SEMA3A: variants seen among roughly 807,000 people sequenced by gnomAD.
SEMA3A encodes semaphorin 3A.
SEMA3A carries 29 observed loss-of-function variants against 97.9 expected under a neutral mutation model. That is an observed-to-expected ratio of 0.30 (90% CI 0.22 to 0.40). SEMA3A has a LOEUF of 0.40. SEMA3A is among the 10% of genes least tolerant of loss of function. SEMA3A has a pLI of 1.00. For missense variants in SEMA3A, 763 were observed against 951.3 expected (o/e 0.80, Z 2.60); for synonymous variants, 321 against 323.7 (o/e 0.99, Z 0.09).
chr7:84,073,461 A>G (rs968492802), intron 4 of SEMA3A, among the ~76,000 whole-genome samples: 6 of 152,206 alleles, frequency 3.9e-5, no homozygotes, highest in Non-Finnish European at 7.3e-5. Context: ...TGAGGAATAC[A>G]TACATATATT....
intron 1 of SEMA3A, among the ~76,000 whole-genome samples, chr7:84,411,683 A>T (rs908751412): frequency 6.6e-6 from 1 of 151,934 alleles, no homozygotes; most frequent in African/African-American, 2.4e-5. Context: ...TTATTGAAAA[A>T]TTTTTAGGCT....
intron 1 of SEMA3A, among the ~76,000 whole-genome samples, chr7:84,477,329 C>A (rs1030054913): frequency 1.4e-5 from 2 of 148,038 alleles, no homozygotes; most frequent in African/African-American, 5.0e-5. Flanking sequence ...GTCCCAGCTA[C>A]TCGGGAGGCT....
chr7:84,080,177 G>A (rs1263846588), intron 4 of SEMA3A, among the ~76,000 whole-genome samples: 1 of 106,246 alleles, frequency 9.4e-6, no homozygotes, highest in Non-Finnish European at 1.7e-5. Context: ...CACGGAAGGG[G>A]AACATCACAC....
At chr7:84,126,723 A>C in intron 3 of SEMA3A, among the ~76,000 whole-genome samples, 1 of 152,128 alleles carries the variant, frequency 6.6e-6, no homozygotes, top group East Asian at 1.9e-4. Flanking sequence ...GTTCAATTAT[A>C]CTTTTAGCCT....
chr7:84,142,236 A>G (rs1480486890), intron 1 of SEMA3A, among the ~76,000 whole-genome samples: 1 of 152,206 alleles, frequency 6.6e-6, no homozygotes, highest in East Asian at 1.9e-4. Context: ...CATTTAGTCC[A>G]TATTATGTAT....
chr7:84,112,917 C>T (rs879825839), intron 3 of SEMA3A, among the ~76,000 whole-genome samples: 24 of 152,186 alleles, frequency 1.6e-4, no homozygotes, highest in Admixed American at 1.5e-3. Context: ...GTGCTGATAA[C>T]GGGAATCTGT....
chr7:84,094,698 C>T lies in SEMA3A; in HGVS notation c.453+15772G>A, dbSNP rs935926719. 2.0e-5 allele frequency among the ~76,000 whole-genome samples: 3 copies of T among 151,974 alleles called. No homozygotes were observed. The East Asian group carries it at 5.8e-4, about 29-fold the overall frequency. ...TTCTAAAATAAAAAAAACCCACCAC[C>T]GCTAACAACTAAAACACACTTTGCA... On this transcript the variant is annotated intron_variant, in intron 4 of 16. Coordinates refer to ENST00000265362, the MANE Select transcript of SEMA3A (RefSeq NM_006080.3).
In SEMA3A at chr7:83,957,262, G is replaced by T. The variant is rs113386800; in HGVS notation, c.*4109C>A. The T allele has an allele frequency of 1.3e-5, 2 of 152,108 alleles. No individual in the cohort carries two copies. The highest frequency in any genetic ancestry group is 4.1e-4 in the South Asian group (2 of 4,826). 9.4% of individuals were successfully genotyped at this position (152,108 alleles called of 1,614,324 possible). On this transcript the variant is annotated 3_prime_UTR_variant, in exon 17 of 17. Transcript: ENST00000265362. ...GGATTAGATGATGATAAGTCATCTC[G>T]CTCTGTTTCCTTAATTTCATTGTGA...
chr7:84,033,455 CTT>C (rs764922304), intron 6 of SEMA3A, among the ~76,000 whole-genome samples: 2 of 152,146 alleles, frequency 1.3e-5, no homozygotes, highest in Non-Finnish European at 2.9e-5. Flanking sequence ...AAAGAACACA[CTT>C]AGCCTATGTT....
intron 3 of SEMA3A, among the ~76,000 whole-genome samples, chr7:84,292,896 T>C (rs1800783982): frequency 6.6e-6 from 1 of 152,090 alleles, no homozygotes; most frequent in Non-Finnish European, 1.5e-5. Flanking sequence ...CCCTATTCTC[T>C]GAAAGTTTTT....
chr7:84,257,677 A>G (rs1272997312), intron 3 of SEMA3A, among the ~76,000 whole-genome samples: 2 of 152,174 alleles, frequency 1.3e-5, no homozygotes, highest in East Asian at 1.9e-4. Context: ...TGATTCATCA[A>G]CTATGTGTGT....
chr7:84,118,055 G>A (rs1218386646), intron 3 of SEMA3A, among the ~76,000 whole-genome samples: 1 of 152,090 alleles, frequency 6.6e-6, no homozygotes, highest in Non-Finnish European at 1.5e-5. Context: ...TACGACAAGA[G>A]CTCCATTATG....
rs148061834 is a variant in SEMA3A, at chr7:84,335,539, G to A, written c.-168-28247C>T. Among the ~76,000 whole-genome samples, 8 of 152,130 alleles carry A rather than the reference G, an allele frequency of 5.3e-5. No individual in the cohort carries two copies. In the South Asian group the frequency reaches 8.3e-4, roughly 16 times the overall value. On this transcript the variant is annotated intron_variant, in intron 2 of 3. Transcript: ENST00000424555. ...TACACACACAATATGTTTAGTTTTC[G>A]CTGAAAAGCGAAGATTATGCAATTC...
intron 14 of SEMA3A, among the ~76,000 whole-genome samples, chr7:83,978,265 T>G (rs879793235): frequency 6.6e-6 from 1 of 152,146 alleles, no homozygotes; most frequent in Non-Finnish European, 1.5e-5. Flanking sequence ...GAACTTACAT[T>G]TAAGAGAAAA....
At chr7:84,376,385 G>A (rs1463142356) in intron 1 of SEMA3A, among the ~76,000 whole-genome samples, 1 of 115,628 alleles carries the variant, frequency 8.6e-6, no homozygotes, top group Non-Finnish European at 1.9e-5. Context: ...GGCGGATCAC[G>A]AGGTCAGGAG....
At chr7:84,453,338 G>T (rs894260235) in intron 1 of SEMA3A, among the ~76,000 whole-genome samples, 3 of 150,912 alleles carry the variant, frequency 2.0e-5, no homozygotes, top group Non-Finnish European at 4.4e-5. Context: ...TGGGGTTCAC[G>T]CCATTCTCCT....
In SEMA3A at chr7:84,243,378, G is replaced by T. The variant is rs541075281; in HGVS notation, c.-82-48710C>A. Among the ~76,000 whole-genome samples the T allele has an allele frequency of 6.6e-5, 10 of 152,108 alleles. No homozygotes were observed. The East Asian group carries it at 1.9e-3, about 29-fold the overall frequency. ...CTTCTTCCTGGTTTAGTCTTGGGTGGGTGTATTTGTCCAGGAATTTATCCA... is the reference window on the plus strand; with the variant it reads ...CTTCTTCCTGGTTTAGTCTTGGGTGTGTGTATTTGTCCAGGAATTTATCCA... On this transcript the variant is annotated intron_variant, in intron 3 of 3. Coordinates refer to the SEMA3A transcript ENST00000424555.
At chr7:84,400,761 T>G (rs978222343) in intron 1 of SEMA3A, among the ~76,000 whole-genome samples, 6 of 152,208 alleles carry the variant, frequency 3.9e-5, no homozygotes, top group African/African-American at 1.4e-4. Flanking sequence ...TGAAGACATA[T>G]TCTTTGAAGT....
intron 2 of SEMA3A, among the ~76,000 whole-genome samples, chr7:84,324,348 T>C (rs1167754278): frequency 1.3e-5 from 2 of 152,156 alleles, no homozygotes; most frequent in Non-Finnish European, 2.9e-5. Flanking sequence ...ACAGAGAAGA[T>C]TAACATGAGA....
Sources: allele counts gnomAD v4.1 joint callset (sites outside exome capture counted in the v4.1 genomes callset), GRCh38; gene constraint gnomAD v4.1.1; transcripts MANE v1.5; gene names NCBI Gene and HGNC (gene_info 2026-07-23, HGNC 2026-07-21).